LPA: variants seen among roughly 807,000 people sequenced by gnomAD.
The protein encoded by LPA is apolipoprotein(a).
A neutral mutation model predicts 197.9 loss-of-function variants in LPA; 199 were observed. The observed-to-expected ratio is 1.01, with a 90% CI of 0.90 to 1.13. LPA has a LOEUF of 1.13. LPA is among the 50% of genes most tolerant of loss of function. The probability of loss-of-function intolerance (pLI) is 0.00; values close to 1 mark genes in which losing one functional copy is unlikely to be tolerated. For synonymous variants in LPA, 715 were observed against 639.5 expected (o/e 1.12, Z -1.78); for missense variants, 1,853 against 1,785.8 (o/e 1.04, Z -0.68).
intron 18 of LPA, among the ~76,000 whole-genome samples, chr6:160,603,262 G>A (rs867561173): frequency 2.3e-4 from 35 of 151,552 alleles, no homozygotes; most frequent in Middle Eastern, 3.4e-3. Flanking sequence ...GTGTGTGTGC[G>A]TGCATGTTTC....
intron 32 of LPA, among the ~76,000 whole-genome samples, chr6:160,546,915 T>C (rs1778080837): frequency 6.6e-6 from 1 of 152,172 alleles, no homozygotes; most frequent in African/African-American, 2.4e-5. Context: ...CATGGTGACC[T>C]GATGGCCCAT....
intron 30 of LPA, among the ~76,000 whole-genome samples, chr6:160,554,053 A>G (rs1343486017): frequency 2.0e-5 from 3 of 151,936 alleles, no homozygotes; most frequent in Non-Finnish European, 2.9e-5. Flanking sequence ...GTATAAACTA[A>G]TATTAAGGCC....
At position 160,646,936 on chromosome 6, in the gene LPA, A is replaced by T. The variant is rs1296889856; in HGVS notation, c.210-541T>A. Among the ~76,000 whole-genome samples, 31 of 152,176 alleles carry T rather than the reference A, an allele frequency of 2.0e-4. 1 individual carries two copies. Among genetic ancestry groups the T allele is most frequent in the South Asian group, 2.1e-4 (1 of 4,822 alleles). On this transcript the variant is annotated intron_variant, in intron 2 of 38. Transcript: ENST00000316300. ...CTCACACTCCATGTACTCAAAACCTAGTGAAAAGGCTCTACCTTTCCCATG... is the reference window on the plus strand; with the variant it reads ...CTCACACTCCATGTACTCAAAACCTTGTGAAAAGGCTCTACCTTTCCCATG...
At chr6:160,546,974 C>T (rs1778082043) in intron 32 of LPA, among the ~76,000 whole-genome samples, 1 of 152,154 alleles carries the variant, frequency 6.6e-6, no homozygotes, top group Non-Finnish European at 1.5e-5. Context: ...GAGGGCATCT[C>T]TGACTACTAG....
chr6:160,584,233 C>CTTCTTA (rs1562331263), intron 26 of LPA, among the ~76,000 whole-genome samples: 1 of 89,540 alleles, frequency 1.1e-5, no homozygotes, highest in African/African-American at 3.8e-5. Flanking sequence ...TCTTCTTCTT[C>CTTCTTA]TTCTTCCTCC....
intron 4 of LPA, among the ~76,000 whole-genome samples, chr6:160,643,027 CTGTG>C (rs1779864242): frequency 7.2e-6 from 1 of 138,658 alleles, no homozygotes. Context: ...GTGCGCGTGT[CTGTG>C]TGTGTTAGAA....
intron 28 of LPA, among the ~76,000 whole-genome samples, chr6:160,559,084 G>T (rs1778319521): frequency 1.3e-5 from 2 of 152,032 alleles, no homozygotes; most frequent in South Asian, 4.2e-4. Flanking sequence ...TGATGATTTT[G>T]GATCAACACC....
chr6:160,577,942 C>A (rs930696373), intron 27 of LPA, among the ~76,000 whole-genome samples: 2 of 152,156 alleles, frequency 1.3e-5, no homozygotes, highest in African/African-American at 4.8e-5. Context: ...GAAGAAGAGG[C>A]AAGAACACCT....
chr6:160,588,413 A>C (rs770946318), intron 24 of LPA, among the ~76,000 whole-genome samples: 4 of 152,114 alleles, frequency 2.6e-5, no homozygotes, highest in Non-Finnish European at 4.4e-5. Flanking sequence ...TTTGGTCTCT[A>C]CTGAATGCCC....
intron 22 of LPA, among the ~76,000 whole-genome samples, 179 bp downstream of exon 22, chr6:160,593,779 G>T (rs918786319): frequency 2.0e-5 from 3 of 152,190 alleles, no homozygotes; most frequent in African/African-American, 7.2e-5. Context: ...AGAAAAGAGA[G>T]CTGGCCTGAC....
At chr6:160,649,014 CT>C (rs1779956880) in intron 2 of LPA, among the ~76,000 whole-genome samples, 1 of 152,122 alleles carries the variant, frequency 6.6e-6, no homozygotes, top group Non-Finnish European at 1.5e-5. Flanking sequence ...AGCCACTTGA[CT>C]TTGATGTTTA....
chr6:160,551,936 C>G (rs1394302241), intron 30 of LPA, among the ~76,000 whole-genome samples: 1 of 135,052 alleles, frequency 7.4e-6, no homozygotes, highest in Non-Finnish European at 1.5e-5. Flanking sequence ...TTTTTTGAGA[C>G]AGTGTCTCAT....
Position 160,586,559 on chromosome 6 carries a change from CT to C in LPA, c.4018del (p.Ser1340ValfsTer9), listed in dbSNP as rs1778915947. 1.2e-6 allele frequency: 2 copies of C among 1,613,818 alleles called. No individual in the cohort carries two copies. Among genetic ancestry groups the C allele is most frequent in the East Asian group, 2.2e-5 (1 of 44,854 alleles). On this transcript the variant is annotated frameshift_variant, in exon 25 of 39. Transcript: ENST00000316300. LOFTEE classifies it high-confidence loss of function. The stretch of plus-strand genomic sequence containing the variant: ...CAGGTTGCAGTACTCCCATCTGACA[CT>C]GGGATCCATGGTATAACACCAAGGG... ...IRPWCYTMDP[S>X]VRWEYCNLTQ...
At chr6:160,577,054 G>A in intron 28 of LPA, 82 bp downstream of exon 28, 3 of 1,544,042 alleles carry the variant, frequency 1.9e-6, no homozygotes, top group Non-Finnish European at 2.7e-6. Flanking sequence ...TTTGTCCCTA[G>A]GAAGTGAGCT....
At position 160,595,478 on chromosome 6, in the gene LPA, G is replaced by A. The variant is rs924512850; in HGVS notation, c.3345C>T (p.Tyr1115=). Residue 1115 remains tyrosine, a synonymous_variant, in exon 21 of 39, where the codon TAC becomes TAT. Coordinates refer to ENST00000316300, the MANE Select transcript of LPA (RefSeq NM_005577.4). ...CCCACCTGACACTGGGATCCATGGTGTAACACCAAGGGCGAATCTCAGCAT... is the reference window on the plus strand; with the variant it reads ...CCCACCTGACACTGGGATCCATGGTATAACACCAAGGGCGAATCTCAGCAT... The part of the protein sequence containing the change: ...NPDAEIRPWC[Y]TMDPSVRWEY... 6.2e-7 allele frequency: 1 copy of A among 1,613,912 alleles called. No homozygotes were observed.
chr6:160,626,450 T>TTGTG (rs141731887), intron 10 of LPA, among the ~76,000 whole-genome samples: 270 of 107,572 alleles, frequency 2.5e-3, no homozygotes, highest in Admixed American at 5.5e-3. Context: ...TGTTTTCAGT[T>TTGTG]TGTGTGTGTG....
chr6:160,553,919 TTCTC>T (rs969332451), intron 30 of LPA, among the ~76,000 whole-genome samples: 6 of 111,412 alleles, frequency 5.4e-5, no homozygotes, highest in South Asian at 3.0e-4. Flanking sequence ...CTCTCTCTCT[TTCTC>T]TCTCTCTCTC....
At chr6:160,567,127 C>T (rs933990067) in intron 28 of LPA, among the ~76,000 whole-genome samples, 10 of 152,190 alleles carry the variant, frequency 6.6e-5, no homozygotes, top group African/African-American at 2.4e-4. Flanking sequence ...TTGAACTCAG[C>T]TCTGCACCAA....
Position 160,544,713 on chromosome 6 carries a change from G to C in LPA, c.5398+727C>G, listed in dbSNP as rs76116530. On this transcript the variant is annotated intron_variant, in intron 33 of 38. Coordinates refer to ENST00000316300, the MANE Select transcript of LPA (RefSeq NM_005577.4). ...AGTCCAGGGTGGTGTTCTGTAACTC[G>C]GACAGACAAGTTGATTGGTCAGCAG... 3.9e-5 allele frequency among the ~76,000 whole-genome samples: 6 copies of C among 152,242 alleles called. No individual in the cohort carries two copies. In the South Asian group the frequency reaches 1.2e-3, roughly 32 times the overall value.
Sources: gnomAD v4.1 joint callset for allele counts (sites outside exome capture counted in the v4.1 genomes callset) on GRCh38, gnomAD v4.1.1 for gene constraint, MANE v1.5 for transcripts, NCBI Gene and HGNC (gene_info 2026-07-23, HGNC 2026-07-21) for gene names.